Variants in SHISA9 observed in about 807,000 individuals in gnomAD.
SHISA9 encodes shisa family member 9.
SHISA9 carries 13 observed loss-of-function variants against 38.0 expected under a neutral mutation model. The observed-to-expected ratio is 0.34, with a 90% confidence interval of 0.22 to 0.54. SHISA9 has a LOEUF of 0.54. Among genes scored for constraint, SHISA9 ranks in the 20% least tolerant of loss-of-function variants. The pLI is 0.91. For missense variants in SHISA9, 538 were observed against 575.8 expected (o/e 0.93, Z 0.67); for synonymous variants, 275 against 242.0 (o/e 1.14, Z -1.27).
intron 2 of SHISA9, among the ~76,000 whole-genome samples, chr16:13,055,234 A>G (rs1270902758): frequency 6.6e-6 from 1 of 152,184 alleles, no homozygotes; most frequent in Non-Finnish European, 1.5e-5. Context: ...AGTCACAGAG[A>G]AAGTAAGTGA....
chr16:13,377,385 T>A, the SHISA9 span, among the ~76,000 whole-genome samples: 2 of 152,234 alleles, frequency 1.3e-5, no homozygotes, highest in African/African-American at 4.8e-5. Flanking sequence ...ATGCCAATCA[T>A]TCATTTACAT....
the SHISA9 span, among the ~76,000 whole-genome samples, chr16:13,509,173 C>G: frequency 6.6e-6 from 1 of 152,080 alleles, no homozygotes; most frequent in Middle Eastern, 3.4e-3. Context: ...TATGATGTTA[C>G]CTTTAAATAG....
chr16:13,247,159 C>T, the SHISA9 span, among the ~76,000 whole-genome samples: 1 of 151,996 alleles, frequency 6.6e-6, no homozygotes, highest in African/African-American at 2.4e-5. Flanking sequence ...AGAGGAAATG[C>T]CACACTTGTA....
intron 2 of SHISA9, among the ~76,000 whole-genome samples, chr16:13,132,066 G>A (rs2050311093): frequency 6.6e-6 from 1 of 152,164 alleles, no homozygotes; most frequent in Non-Finnish European, 1.5e-5. Context: ...ACAGGACAAT[G>A]TGTCTGTTTC....
chr16:13,416,765 A>AG, the SHISA9 span, among the ~76,000 whole-genome samples: 16,082 of 110,634 alleles, frequency 0.15, 1,133 homozygotes, highest in African/African-American at 0.19. Flanking sequence ...GAAGGAAGGA[A>AG]GGAAGGAAGG....
the SHISA9 span, among the ~76,000 whole-genome samples, chr16:13,363,202 T>C: frequency 6.6e-6 from 1 of 152,228 alleles, no homozygotes; most frequent in Admixed American, 6.5e-5. Flanking sequence ...AAGCACAACA[T>C]GGAAATTTGT....
At chr16:13,063,859 C>G (rs1159697982) in intron 2 of SHISA9, among the ~76,000 whole-genome samples, 1 of 152,224 alleles carries the variant, frequency 6.6e-6, no homozygotes, top group African/African-American at 2.4e-5. Context: ...CCAGAGCCCA[C>G]TCTTTGCGTA....
At chr16:13,003,114 T>A (rs766694450) in intron 2 of SHISA9, among the ~76,000 whole-genome samples, 41 of 152,214 alleles carry the variant, frequency 2.7e-4, no homozygotes, top group South Asian at 2.1e-4. Context: ...GGGAAAGATT[T>A]CAGGAGAAAG....
chr16:13,377,003 A>T, the SHISA9 span, among the ~76,000 whole-genome samples: 1 of 152,204 alleles, frequency 6.6e-6, no homozygotes, highest in African/African-American at 2.4e-5. Flanking sequence ...ATCAAAAAAG[A>T]CAGATTCCCT....
At chr16:13,424,427 C>G in the SHISA9 span, among the ~76,000 whole-genome samples, 1 of 152,348 alleles carries the variant, frequency 6.6e-6, no homozygotes, top group East Asian at 1.9e-4. Context: ...GCTCCAAACC[C>G]CTAGGCATCA....
At chr16:12,995,039 C>G (rs887007749) in intron 2 of SHISA9, among the ~76,000 whole-genome samples, 3 of 151,234 alleles carry the variant, frequency 2.0e-5, no homozygotes, top group Admixed American at 6.6e-5. Flanking sequence ...CTTATTTGGG[C>G]CAGTATTTTT....
At chr16:13,281,475 A>G in the SHISA9 span, among the ~76,000 whole-genome samples, 14 of 150,850 alleles carry the variant, frequency 9.3e-5, no homozygotes, top group African/African-American at 3.2e-4. Context: ...GTCCATTTAC[A>G]TTTAATGGAA....
intron 2 of SHISA9, among the ~76,000 whole-genome samples, chr16:13,148,010 C>G (rs1369181830): frequency 6.6e-6 from 1 of 152,148 alleles, no homozygotes; most frequent in East Asian, 1.9e-4. Flanking sequence ...TAATAGATCT[C>G]TGCAAATATG....
intron 2 of SHISA9, among the ~76,000 whole-genome samples, chr16:13,082,840 A>G (rs2073668180): frequency 6.6e-6 from 1 of 152,222 alleles, no homozygotes. Context: ...TAAGGAAAAG[A>G]TGGAAAGTTC....
chr16:13,052,557 G>C (rs1195659663), intron 2 of SHISA9, among the ~76,000 whole-genome samples: 1 of 152,120 alleles, frequency 6.6e-6, no homozygotes, highest in Non-Finnish European at 1.5e-5. Flanking sequence ...ATTGAGTCTT[G>C]AACCCAATCT....
chr16:13,020,114 C>T (rs1425536912), intron 2 of SHISA9, among the ~76,000 whole-genome samples: 3 of 149,516 alleles, frequency 2.0e-5, no homozygotes, highest in Admixed American at 6.8e-5. Context: ...GCAACTTCTG[C>T]CATCCAGGCT....
the SHISA9 span, among the ~76,000 whole-genome samples, chr16:13,466,325 C>T: frequency 2.0e-5 from 3 of 152,322 alleles, no homozygotes; most frequent in East Asian, 3.9e-4. Flanking sequence ...TTAAATACTG[C>T]TCCGCAATGG....
intron 2 of SHISA9, among the ~76,000 whole-genome samples, chr16:12,923,033 C>T (rs959712610): frequency 6.6e-6 from 1 of 151,536 alleles, no homozygotes; most frequent in South Asian, 2.1e-4. Flanking sequence ...CACCAAGTTG[C>T]CCAGGCTGGT....
rs529480366 is a variant in SHISA9 at position 13,144,133 on chromosome 16, A to G, written c.692-59261A>G. Among the ~76,000 whole-genome samples the G allele has an allele frequency of 4.1e-4, 59 of 144,728 alleles. 1 individual carries two copies. Among genetic ancestry groups the G allele is most frequent in the Middle Eastern group, 7.2e-3 (2 of 278 alleles). 94.9% of individuals were successfully genotyped at this position (144,728 alleles called of 152,430 possible). A position where few individuals can be genotyped will look rare whatever the true frequency, so the allele number is the denominator to read the frequency against. Reference sequence around the variant, plus strand: ...GTGTAATATCCTAGTATGGGAGATTATTTTGCAGTTGGAGGGGCTAGTTCT... The same window carrying G: ...GTGTAATATCCTAGTATGGGAGATTGTTTTGCAGTTGGAGGGGCTAGTTCT... On this transcript the variant is annotated intron_variant, in intron 2 of 4. Transcript: ENST00000558583.
Sources: allele counts gnomAD v4.1 joint callset (sites outside exome capture counted in the v4.1 genomes callset), GRCh38; gene constraint gnomAD v4.1.1; transcripts MANE v1.5; gene names NCBI Gene and HGNC (gene_info 2026-07-23, HGNC 2026-07-21).